Variants in L3MBTL4 observed in about 807,000 individuals in gnomAD.
The protein encoded by L3MBTL4 is lethal(3)malignant brain tumor-like protein 4.
L3MBTL4 carries 70 observed loss-of-function variants against 84.5 expected under a neutral mutation model. That is an observed-to-expected ratio of 0.83 (90% CI 0.68 to 1.01). The LOEUF (loss-of-function observed/expected upper bound fraction) is 1.01, where lower values mean the gene tolerates loss of function less well. Among genes scored for constraint, L3MBTL4 ranks in the 50% least tolerant of loss-of-function variants. The pLI is 0.00. For missense variants in L3MBTL4, 715 were observed against 754.8 expected (o/e 0.95, Z 0.62); for synonymous variants, 274 against 259.8 (o/e 1.05, Z -0.52).
chr18:5,960,179 T>C (rs1234511256), intron 17 of L3MBTL4, 23 bp from the exon 18 acceptor site: 1 of 1,501,678 alleles, frequency 6.7e-7, no homozygotes, highest in Non-Finnish European at 9.1e-7. Context: ...ATGAAAAGCC[T>C]AATTTAATAC....
At chr18:6,224,332 T>C (rs1177146157) in intron 10 of L3MBTL4, among the ~76,000 whole-genome samples, 3 of 152,204 alleles carry the variant, frequency 2.0e-5, no homozygotes, top group Non-Finnish European at 4.4e-5. Flanking sequence ...GTTTATGTTA[T>C]AGAATCCAGG....
At chr18:6,377,759 T>C (rs1270012664) in intron 1 of L3MBTL4, among the ~76,000 whole-genome samples, 1 of 152,236 alleles carries the variant, frequency 6.6e-6, no homozygotes, top group Non-Finnish European at 1.5e-5. Context: ...TCTTTGCTAT[T>C]GTGAATAGCG....
At chr18:6,185,960 C>CTATTTTTATTTTAG (rs976327212) in intron 12 of L3MBTL4, among the ~76,000 whole-genome samples, 4 of 145,872 alleles carry the variant, frequency 2.7e-5, no homozygotes, top group African/African-American at 1.1e-4. Context: ...AGGGCACTTT[C>CTATTTTTATTTTAG]TTTATTTTAT....
intron 4 of L3MBTL4, among the ~76,000 whole-genome samples, chr18:6,289,287 G>A (rs1310772172): frequency 2.0e-5 from 3 of 152,164 alleles, no homozygotes; most frequent in Admixed American, 2.0e-4. Flanking sequence ...AAATGTTAGT[G>A]TGAGGGGTGC....
intron 16 of L3MBTL4, among the ~76,000 whole-genome samples, chr18:6,066,620 G>C (rs1003861271): frequency 6.6e-6 from 1 of 151,916 alleles, no homozygotes; most frequent in Non-Finnish European, 1.5e-5. Flanking sequence ...TTCTTTAACT[G>C]TCTTTTTTTA....
chr18:6,402,980 G>A (rs1261424804), intron 1 of L3MBTL4, among the ~76,000 whole-genome samples: 31 of 152,182 alleles, frequency 2.0e-4, no homozygotes, highest in Admixed American at 2.0e-3. Context: ...GCAGAGGTAG[G>A]AAAGAAGGGG....
chr18:6,398,569 C>G (rs775370593), intron 1 of L3MBTL4, among the ~76,000 whole-genome samples: 1 of 152,146 alleles, frequency 6.6e-6, no homozygotes, highest in Admixed American at 6.5e-5. Context: ...CTGAAATAGT[C>G]CTTTCCTCTG....
At position 6,138,181 on chromosome 18, in the gene L3MBTL4, A is replaced by G; in HGVS notation, c.1199+13T>C. 1 of 1,573,016 alleles carries G rather than the reference A, an allele frequency of 6.4e-7. No homozygotes were observed. The highest frequency in any genetic ancestry group is 8.7e-7 in the Non-Finnish European group (1 of 1,146,300). ...ATTCATCCAGGAAATAACTTAAATA[A>G]GAAAAATGTTACCTGTGATGTCCCG... On this transcript the variant is annotated intron_variant, in intron 14 of 18. Coordinates refer to ENST00000317931, the MANE Select transcript of L3MBTL4 (RefSeq NM_001330559.2).
chr18:6,398,845 GCCAC>G (rs1416447545), intron 1 of L3MBTL4, among the ~76,000 whole-genome samples: 1 of 152,050 alleles, frequency 6.6e-6, no homozygotes, highest in Non-Finnish European at 1.5e-5. Flanking sequence ...GGCACCATGA[GCCAC>G]CACTGCTTCC....
chr18:6,381,160 A>AT (rs908403542), intron 1 of L3MBTL4, among the ~76,000 whole-genome samples: 2 of 150,624 alleles, frequency 1.3e-5, no homozygotes, highest in African/African-American at 4.9e-5. Flanking sequence ...TTTATTTTTA[A>AT]TTTTTTTTCT....
intron 12 of L3MBTL4, among the ~76,000 whole-genome samples, chr18:6,212,229 T>C (rs920250946): frequency 1.3e-5 from 2 of 152,214 alleles, no homozygotes; most frequent in African/African-American, 4.8e-5. Context: ...TGATAATCTA[T>C]TGCCAAGCTG....
chr18:6,370,354 A>G (rs2054109693), intron 1 of L3MBTL4, among the ~76,000 whole-genome samples: 1 of 152,210 alleles, frequency 6.6e-6, no homozygotes, highest in Non-Finnish European at 1.5e-5. Context: ...ATTACATACA[A>G]TCAAATCAGA....
At chr18:6,154,781 C>T (rs1202258775) in intron 13 of L3MBTL4, among the ~76,000 whole-genome samples, 1 of 152,104 alleles carries the variant, frequency 6.6e-6, no homozygotes, top group Non-Finnish European at 1.5e-5. Context: ...AGACCCTAAT[C>T]CTAGAATAAA....
intron 1 of L3MBTL4, among the ~76,000 whole-genome samples, chr18:6,408,489 A>G (rs1323551211): frequency 6.6e-6 from 1 of 152,146 alleles, no homozygotes; most frequent in Non-Finnish European, 1.5e-5. Context: ...GAGACTTCAC[A>G]TTTTTAAAAC....
At chr18:6,311,472 G>C (rs950730475) in intron 3 of L3MBTL4, 82 bp downstream of exon 3, 2 of 1,159,866 alleles carry the variant, frequency 1.7e-6, no homozygotes, top group South Asian at 1.3e-5. Context: ...CCTGAGTGTG[G>C]TTATGTGAAC....
At position 6,239,785 on chromosome 18, in the gene L3MBTL4, T is replaced by C. The variant is rs765480734; in HGVS notation, c.640A>G (p.Ile214Val). The change falls in exon 9 of 19, where the codon ATA becomes GTA. Residue 214 changes from isoleucine to valine, a missense_variant. Ile to Val is a conservative substitution (Grantham distance 29, BLOSUM62 3). Transcript: ENST00000317931. ...KNPSLVCVATIADIVEDRLLV... is the reference protein window; with the variant it reads ...KNPSLVCVATVADIVEDRLLV... ...AAGCGATCTTCAACAATATCTGCTA[T>C]GGTCGCCACACACACCAAGGAAGGG... The C allele has an allele frequency of 1.8e-5, 29 of 1,614,098 alleles. No individual in the cohort carries two copies. Among genetic ancestry groups the C allele is most frequent in the Non-Finnish European group, 2.3e-5 (27 of 1,180,028 alleles).
intron 10 of L3MBTL4, among the ~76,000 whole-genome samples, chr18:6,229,598 TC>T (rs1568348564): frequency 6.6e-6 from 1 of 152,186 alleles, no homozygotes; most frequent in East Asian, 1.9e-4. Flanking sequence ...TTTAAGAACT[TC>T]AATAGTTTTA....
intron 13 of L3MBTL4, among the ~76,000 whole-genome samples, chr18:6,168,059 G>C (rs2145144112): frequency 6.6e-6 from 1 of 152,234 alleles, no homozygotes; most frequent in South Asian, 2.1e-4. Flanking sequence ...CAAATCATGA[G>C]TGAACTCCCA....
chr18:6,281,015 G>A (rs11662128), intron 4 of L3MBTL4, among the ~76,000 whole-genome samples: 26,841 of 151,918 alleles, frequency 0.18, 2,433 homozygotes, highest in East Asian at 0.23. Flanking sequence ...GAGCCGCTAT[G>A]TCTGTGTTGA....
Sources: allele counts gnomAD v4.1 joint callset (sites outside exome capture counted in the v4.1 genomes callset), GRCh38; gene constraint gnomAD v4.1.1; transcripts MANE v1.5; gene names NCBI Gene and HGNC (gene_info 2026-07-23, HGNC 2026-07-21).